LARS2: variants seen among roughly 807,000 people sequenced by gnomAD.
The protein encoded by LARS2 is leucyl-tRNA synthetase 2, mitochondrial.
A neutral mutation model predicts 116.6 loss-of-function variants in LARS2; 81 were observed. The ratio of observed to expected loss-of-function variants is 0.69; its 90% confidence interval spans 0.58 to 0.84. The LOEUF is 0.84. Ranked by LOEUF, LARS2 falls within the 40% of genes least tolerant of loss-of-function variation. LARS2 has a pLI of 0.00. For missense variants in LARS2, 968 were observed against 1,114.5 expected (o/e 0.87, Z 1.87); for synonymous variants, 396 against 407.2 (o/e 0.97, Z 0.33).
At chr3:45,441,677 G>T (rs1698914499) in intron 6 of LARS2, among the ~76,000 whole-genome samples, 1 of 152,158 alleles carries the variant, frequency 6.6e-6, no homozygotes. Flanking sequence ...GAACAGTAAG[G>T]TAGGCCTCCG....
rs1397367674 is a variant in LARS2 at position 45,542,174 on chromosome 3, A to T, written c.2532+218A>T. ...CCACACACCAGAAGCATGTGAGCAT[A>T]AAACTCTCATGGCCCTCAAGTGCTT... On this transcript the variant is annotated intron_variant, in intron 21 of 21. Coordinates refer to ENST00000645846, the MANE Select transcript of LARS2 (RefSeq NM_015340.4). Among the ~76,000 whole-genome samples, 3 of 152,208 alleles carry T rather than the reference A, an allele frequency of 2.0e-5. No individual in the cohort carries two copies. The East Asian group carries it at 5.8e-4, about 29-fold the overall frequency.
intron 15 of LARS2, among the ~76,000 whole-genome samples, chr3:45,507,740 A>G (rs1700220477): frequency 6.6e-6 from 1 of 152,126 alleles, no homozygotes; most frequent in Non-Finnish European, 1.5e-5. Context: ...ACACATACTC[A>G]AAGCAAGAGA....
chr3:45,511,030 C>T (rs776488241), intron 15 of LARS2, among the ~76,000 whole-genome samples: 1 of 152,166 alleles, frequency 6.6e-6, no homozygotes, highest in African/African-American at 2.4e-5. Flanking sequence ...GAGACTCGTT[C>T]TGAGCACCAG....
intron 11 of LARS2, among the ~76,000 whole-genome samples, chr3:45,486,902 GA>G (rs1174404227): frequency 6.6e-6 from 1 of 151,990 alleles, no homozygotes. Context: ...AGTTTTGAAG[GA>G]AAAAAATCGG....
intron 6 of LARS2, among the ~76,000 whole-genome samples, chr3:45,441,105 A>G (rs1698901716): frequency 6.8e-6 from 1 of 147,088 alleles, no homozygotes; most frequent in Non-Finnish European, 1.5e-5. Context: ...GGCTCACTGC[A>G]ACCTCCACCT....
intron 12 of LARS2, among the ~76,000 whole-genome samples, chr3:45,490,170 T>C (rs1184133006): frequency 2.0e-5 from 3 of 152,238 alleles, no homozygotes; most frequent in African/African-American, 7.2e-5. Context: ...GGCCTTTTTT[T>C]AGACCTTGTT....
At chr3:45,486,744 A>C (rs1699821464) in intron 11 of LARS2, among the ~76,000 whole-genome samples, 1 of 152,222 alleles carries the variant, frequency 6.6e-6, no homozygotes, top group African/African-American at 2.4e-5. Context: ...TCCTTCTGTT[A>C]CTTTTATGCA....
At chr3:45,499,669 T>C (rs1281513909) in intron 14 of LARS2, among the ~76,000 whole-genome samples, 1 of 152,150 alleles carries the variant, frequency 6.6e-6, no homozygotes, top group Non-Finnish European at 1.5e-5. Context: ...AATTAATAAA[T>C]AAACATTTAG....
At chr3:45,466,023 T>C (rs773588540) in intron 8 of LARS2, among the ~76,000 whole-genome samples, 1 of 152,220 alleles carries the variant, frequency 6.6e-6, no homozygotes, top group Non-Finnish European at 1.5e-5. Context: ...AAGGTTTTCA[T>C]GTTTTGTTTC....
chr3:45,395,085 A>G (rs923084496), intron 3 of LARS2, among the ~76,000 whole-genome samples: 1 of 152,214 alleles, frequency 6.6e-6, no homozygotes, highest in Admixed American at 6.5e-5. Flanking sequence ...GGTCCATTGC[A>G]TGGTGGGGCA....
At position 45,429,698 on chromosome 3, in the gene LARS2, C is replaced by CTTTTTT. The variant is rs35874596; in HGVS notation, c.516+9985_516+9990dup. ...TAATTCAGCCTACCACATCCTTCTG[C>CTTTTTT]TTTTTTTTTTTTTTTTTTTTTGAGA... On this transcript the variant is annotated intron_variant, in intron 6 of 21. Transcript: ENST00000645846. 1.3e-4 allele frequency among the ~76,000 whole-genome samples: 14 copies of CTTTTTT among 108,130 alleles called. No homozygotes were observed. The East Asian group carries it at 1.9e-3, about 15-fold the overall frequency. 70.9% of individuals were successfully genotyped at this position (108,130 alleles called of 152,430 possible).
At chr3:45,502,709 C>A in intron 15 of LARS2, among the ~76,000 whole-genome samples, 1 of 152,142 alleles carries the variant, frequency 6.6e-6, no homozygotes, top group East Asian at 1.9e-4. Context: ...CTGTGCCCAG[C>A]CAATTTCTTT....
At chr3:45,537,694 C>T (rs777299051) in intron 20 of LARS2, among the ~76,000 whole-genome samples, 1 of 152,194 alleles carries the variant, frequency 6.6e-6, no homozygotes, top group Non-Finnish European at 1.5e-5. Flanking sequence ...GTCCCTGACT[C>T]TTCCCCCCTG....
chr3:45,415,900 G>T (rs866148133), intron 4 of LARS2, among the ~76,000 whole-genome samples: 7,808 of 136,096 alleles, frequency 0.057, 984 homozygotes, highest in African/African-American at 0.22. Flanking sequence ...GAGGGAGAGA[G>T]AGAGAGAGAG....
intron 7 of LARS2, among the ~76,000 whole-genome samples, chr3:45,458,331 C>T (rs75722245): frequency 0.047 from 7,089 of 152,202 alleles, 161 homozygotes; most frequent in Middle Eastern, 0.082. Context: ...CAGTACTCCA[C>T]GGAGCAGAGT....
At chr3:45,454,482 T>G (rs1444296992) in intron 7 of LARS2, among the ~76,000 whole-genome samples, 1 of 152,234 alleles carries the variant, frequency 6.6e-6, no homozygotes, top group Non-Finnish European at 1.5e-5. Context: ...TATTCCCAGA[T>G]AACTATTGTG....
At chr3:45,484,844 C>CTT in intron 10 of LARS2, among the ~76,000 whole-genome samples, 1 of 148,672 alleles carries the variant, frequency 6.7e-6, no homozygotes, top group African/African-American at 2.5e-5. Flanking sequence ...TAATGTCTTC[C>CTT]TTTTTTTTTC....
chr3:45,463,476 G>T (rs1002682698), intron 8 of LARS2, among the ~76,000 whole-genome samples: 1 of 152,204 alleles, frequency 6.6e-6, no homozygotes, highest in Non-Finnish European at 1.5e-5. Flanking sequence ...TCAGATCAGG[G>T]CTCAGGCCTT....
At chr3:45,488,849 T>C (rs376025369) in intron 12 of LARS2, 37 bp downstream of exon 12, 4 of 1,253,800 alleles carry the variant, frequency 3.2e-6, no homozygotes, top group African/African-American at 1.5e-5. Context: ...AATGATCACC[T>C]TGATACGACT....
Sources: gnomAD v4.1 joint callset for allele counts (sites outside exome capture counted in the v4.1 genomes callset) on GRCh38, gnomAD v4.1.1 for gene constraint, MANE v1.5 for transcripts, NCBI Gene and HGNC (gene_info 2026-07-23, HGNC 2026-07-21) for gene names.